CDH12: variants seen among roughly 807,000 people sequenced by gnomAD.
CDH12 encodes cadherin 12.
CDH12 carries 41 observed loss-of-function variants against 74.1 expected under a neutral mutation model. That is an observed-to-expected ratio of 0.55 (90% CI 0.43 to 0.72). The LOEUF (loss-of-function observed/expected upper bound fraction) is 0.72, where lower values mean the gene tolerates loss of function less well. Ranked by LOEUF, CDH12 falls within the 30% of genes least tolerant of loss-of-function variation. The pLI is 0.00. For missense variants in CDH12, 945 were observed against 977.2 expected (o/e 0.97, Z 0.44); for synonymous variants, 399 against 355.0 (o/e 1.12, Z -1.39).
At chr5:21,756,107 T>C (rs1417691726) in intron 13 of CDH12, among the ~76,000 whole-genome samples, 1 of 152,146 alleles carries the variant, frequency 6.6e-6, no homozygotes, top group African/African-American at 2.4e-5. Context: ...AGAAAGTGTG[T>C]TAAATTGATC....
chr5:21,952,232 G>C (rs1026370827), intron 6 of CDH12, among the ~76,000 whole-genome samples: 4 of 152,150 alleles, frequency 2.6e-5, no homozygotes, highest in African/African-American at 9.7e-5. Flanking sequence ...CTGAAGTAGG[G>C]AGGTGGAGAA....
At chr5:22,526,487 G>T (rs1158495473) in intron 1 of CDH12, among the ~76,000 whole-genome samples, 2 of 152,148 alleles carry the variant, frequency 1.3e-5, no homozygotes, top group Non-Finnish European at 2.9e-5. Context: ...CTTATTGATG[G>T]GTGTAGAGGA....
At chr5:22,528,984 G>A (rs922395804) in intron 1 of CDH12, among the ~76,000 whole-genome samples, 2 of 110,162 alleles carry the variant, frequency 1.8e-5, no homozygotes, top group Admixed American at 2.8e-4. Flanking sequence ...ATATTAGGCA[G>A]GGTTCCCCAG....
intron 6 of CDH12, among the ~76,000 whole-genome samples, chr5:21,909,777 G>C (rs1486767991): frequency 2.0e-5 from 3 of 152,146 alleles, no homozygotes; most frequent in Non-Finnish European, 4.4e-5. Flanking sequence ...GATAATTTCA[G>C]AATGAAGGAC....
intron 6 of CDH12, among the ~76,000 whole-genome samples, chr5:21,896,469 T>G (rs1753127864): frequency 6.6e-6 from 1 of 152,236 alleles, no homozygotes. Context: ...AATCAGATTA[T>G]TACAATTCTC....
At chr5:21,771,419 T>C (rs1281441959) in intron 11 of CDH12, among the ~76,000 whole-genome samples, 2 of 152,200 alleles carry the variant, frequency 1.3e-5, no homozygotes, top group East Asian at 3.8e-4. Flanking sequence ...TTATATCATG[T>C]CTAATATAAT....
chr5:22,708,679 A>G (rs1743145738), intron 1 of CDH12, among the ~76,000 whole-genome samples: 1 of 152,156 alleles, frequency 6.6e-6, no homozygotes, highest in African/African-American at 2.4e-5. Flanking sequence ...TGGATTTGAT[A>G]ATGTAATCTC....
intron 1 of CDH12, among the ~76,000 whole-genome samples, chr5:22,724,744 T>C (rs1744075375): frequency 6.6e-6 from 1 of 151,920 alleles, no homozygotes; most frequent in South Asian, 2.1e-4. Context: ...TAATGTTCCA[T>C]CTTTTAAAAA....
intron 1 of CDH12, among the ~76,000 whole-genome samples, chr5:22,510,828 T>A (rs1736572564): frequency 6.6e-6 from 1 of 151,896 alleles, no homozygotes; most frequent in Admixed American, 6.6e-5. Context: ...TTTAATTATA[T>A]CATACATAAA....
At chr5:22,752,818 C>T (rs1253981318) in intron 1 of CDH12, among the ~76,000 whole-genome samples, 1 of 151,642 alleles carries the variant, frequency 6.6e-6, no homozygotes, top group East Asian at 1.9e-4. Context: ...TCGTGATCCG[C>T]CCGCCTCGGC....
In CDH12 at chr5:22,479,646, T is replaced by C. The variant is rs149829526; in HGVS notation, c.-428+25624A>G. Reference sequence around the variant, plus strand: ...CTAATCGTAAACATTTAAAACAGCATCTAAATCATTATCTATTTGTTGGAA... The same window carrying C: ...CTAATCGTAAACATTTAAAACAGCACCTAAATCATTATCTATTTGTTGGAA... On this transcript the variant is annotated intron_variant, in intron 2 of 14. Transcript: ENST00000382254. Among the ~76,000 whole-genome samples, 969 of 152,326 alleles carry C rather than the reference T, an allele frequency of 6.4e-3. 11 individuals carry two copies. Among genetic ancestry groups the C allele is most frequent in the African/African-American group, 0.022 (902 of 41,566 alleles).
chr5:21,879,561 A>G (rs1752132411), intron 6 of CDH12, among the ~76,000 whole-genome samples: 1 of 152,220 alleles, frequency 6.6e-6, no homozygotes, highest in Non-Finnish European at 1.5e-5. Context: ...CAATTAAGTT[A>G]TTATTCCCTT....
At chr5:21,760,787 G>A in intron 12 of CDH12, 112 bp from the exon 13 acceptor site, 1 of 717,038 alleles carries the variant, frequency 1.4e-6, no homozygotes, top group Admixed American at 2.3e-5. Context: ...GGCACTTTTT[G>A]AATCAATACC....
intron 2 of CDH12, among the ~76,000 whole-genome samples, chr5:22,494,706 C>A (rs1276215930): frequency 6.6e-6 from 1 of 152,202 alleles, no homozygotes; most frequent in Non-Finnish European, 1.5e-5. Flanking sequence ...TGAGGACTTA[C>A]TCTACCAGGT....
At chr5:21,951,236 GATT>G (rs1470749904) in intron 6 of CDH12, among the ~76,000 whole-genome samples, 1 of 151,852 alleles carries the variant, frequency 6.6e-6, no homozygotes, top group Non-Finnish European at 1.5e-5. Flanking sequence ...TTCTTAAAAA[GATT>G]ATTAATATTT....
chr5:21,782,844 G>A lies in CDH12; in HGVS notation c.1393+514C>T, dbSNP rs77686988. 9.0e-3 allele frequency among the ~76,000 whole-genome samples: 1,364 copies of A among 152,108 alleles called. 24 individuals carry two copies. Among genetic ancestry groups the A allele is most frequent in the African/African-American group, 0.031 (1,298 of 41,478 alleles). On this transcript the variant is annotated intron_variant, in intron 11 of 14. Transcript: ENST00000382254. Reference sequence around the variant, plus strand: ...TTCCTAATAATAATAAACATTTTGAGCCACTCCTTGAAGAACTGCAATTGA... The same window carrying A: ...TTCCTAATAATAATAAACATTTTGAACCACTCCTTGAAGAACTGCAATTGA...
chr5:22,473,134 G>A (rs11742535), intron 2 of CDH12, among the ~76,000 whole-genome samples: 83,304 of 151,768 alleles, frequency 0.55, 23,075 homozygotes, highest in Admixed American at 0.69. Context: ...CTGGATATTT[G>A]CTCTTACAAA....
intron 2 of CDH12, among the ~76,000 whole-genome samples, chr5:22,493,299 A>G (rs543558799): frequency 6.6e-6 from 1 of 152,270 alleles, no homozygotes; most frequent in South Asian, 2.1e-4. Flanking sequence ...TTAATAATTC[A>G]TTTGTTGATT....
intron 1 of CDH12, among the ~76,000 whole-genome samples, chr5:22,567,468 G>C (rs1456449564): frequency 1.3e-5 from 2 of 152,176 alleles, no homozygotes; most frequent in Admixed American, 1.3e-4. Flanking sequence ...CATTGAATCA[G>C]TACTTTCCAG....
Sources: gnomAD v4.1 joint callset for allele counts (sites outside exome capture counted in the v4.1 genomes callset) on GRCh38, gnomAD v4.1.1 for gene constraint, MANE v1.5 for transcripts, NCBI Gene and HGNC (gene_info 2026-07-23, HGNC 2026-07-21) for gene names.